The following HAPLN1 variants were observed in gnomAD, a reference collection of about 807,000 sequenced individuals.
HAPLN1 encodes the protein hyaluronan and proteoglycan link protein 1, also known as Cartilage link protein.
In HAPLN1, 13 loss-of-function variants were observed where a neutral mutation model predicts 36.5. The observed-to-expected ratio is 0.36, with a 90% CI of 0.23 to 0.57. The LOEUF (loss-of-function observed/expected upper bound fraction) is 0.57. Among genes scored for constraint, HAPLN1 ranks in the 20% least tolerant of loss-of-function variants. The pLI is 0.83. For missense variants in HAPLN1, 407 were observed against 439.7 expected, an observed-to-expected ratio of 0.93 and a Z score of 0.66; for synonymous variants, 202 against 169.8, an observed-to-expected ratio of 1.19 and a Z score of -1.48.
intron 1 of HAPLN1, among the ~76,000 whole-genome samples, chr5:83,688,642 CT>C (rs539790396): frequency 5.2e-3 from 417 of 80,544 alleles, no homozygotes; most frequent in East Asian, 0.018. Flanking sequence ...GCTTTTGATT[CT>C]TTTTTTTTTT....
chr5:83,703,352 T>G (rs1439213833), intron 1 of HAPLN1: 1 of 152,218 alleles, frequency 6.6e-6, no homozygotes, highest in African/African-American at 2.4e-5. Context: ...TTAATTTTAG[T>G]CATTACATTG....
At chr5:83,666,305 T>C (rs1224845849) in intron 2 of HAPLN1, among the ~76,000 whole-genome samples, 1 of 152,136 alleles carries the variant, frequency 6.6e-6, no homozygotes, top group East Asian at 1.9e-4. Context: ...CATTAAGCTA[T>C]AGTGCTTTAG....
chr5:83,658,101 C>T (rs11957595), intron 2 of HAPLN1, among the ~76,000 whole-genome samples: 9,753 of 151,958 alleles, frequency 0.064, 929 homozygotes, highest in African/African-American at 0.21. Context: ...TTGTCAGCTC[C>T]ATAATGAATT....
At chr5:83,671,517 A>G (rs1164668943) in intron 2 of HAPLN1, among the ~76,000 whole-genome samples, 2 of 152,234 alleles carry the variant, frequency 1.3e-5, no homozygotes, top group African/African-American at 4.8e-5. Flanking sequence ...GCAAGTAAGT[A>G]ATCTGCTTTG....
chr5:83,661,432 C>CTTTT (rs1215228143), intron 2 of HAPLN1, among the ~76,000 whole-genome samples: 5 of 99,608 alleles, frequency 5.0e-5, no homozygotes, highest in African/African-American at 1.6e-4. Context: ...GTGAGAAAAG[C>CTTTT]TTCTTTTTTT....
chr5:83,681,591 C>G (rs1154888), intron 1 of HAPLN1, among the ~76,000 whole-genome samples: 1 of 151,798 alleles, frequency 6.6e-6, no homozygotes, highest in Non-Finnish European at 1.5e-5. Context: ...TCTCACTGCA[C>G]CCTCAACCTC....
intron 2 of HAPLN1, among the ~76,000 whole-genome samples, chr5:83,654,783 G>T (rs1212438835): frequency 6.6e-6 from 1 of 152,158 alleles, no homozygotes; most frequent in Admixed American, 6.5e-5. Flanking sequence ...GTGAACAAGG[G>T]CTCTAATGTG....
chr5:83,707,389 T>C (rs971841973), intron 1 of HAPLN1, among the ~76,000 whole-genome samples: 3 of 152,122 alleles, frequency 2.0e-5, no homozygotes, highest in African/African-American at 7.2e-5. Flanking sequence ...AACAGGCACA[T>C]AGTGCAATGG....
At chr5:83,686,191 A>T (rs1191503472) in intron 1 of HAPLN1, among the ~76,000 whole-genome samples, 1 of 150,404 alleles carries the variant, frequency 6.6e-6, no homozygotes, top group Non-Finnish European at 1.5e-5. Flanking sequence ...AGGTCAAATT[A>T]CCGATCTCAT....
At chr5:83,665,791 C>A (rs750617850) in intron 2 of HAPLN1, among the ~76,000 whole-genome samples, 16 of 152,178 alleles carry the variant, frequency 1.1e-4, no homozygotes, top group South Asian at 2.1e-4. Flanking sequence ...TACTCCACAG[C>A]ACAATCCCTG....
chr5:83,700,181 G>A (rs1296152610), intron 1 of HAPLN1, among the ~76,000 whole-genome samples: 31 of 126,802 alleles, frequency 2.4e-4, no homozygotes, highest in African/African-American at 9.0e-4. Flanking sequence ...GTGACAGAGT[G>A]AGACTCCATC....
chr5:83,680,923 C>T (rs1186063248), intron 1 of HAPLN1, among the ~76,000 whole-genome samples: 1 of 152,130 alleles, frequency 6.6e-6, no homozygotes, highest in Non-Finnish European at 1.5e-5. Context: ...TGCCACTTCT[C>T]AGGCTAACTC....
chr5:83,706,499 A>G (rs569764556), intron 1 of HAPLN1, among the ~76,000 whole-genome samples: 1 of 152,358 alleles, frequency 6.6e-6, no homozygotes, highest in Non-Finnish European at 1.5e-5. Flanking sequence ...ATCTCAATAG[A>G]TGCAGAAAAG....
At chr5:83,708,165 A>G (rs1751693182) in intron 1 of HAPLN1, among the ~76,000 whole-genome samples, 1 of 152,250 alleles carries the variant, frequency 6.6e-6, no homozygotes, top group Non-Finnish European at 1.5e-5. Flanking sequence ...GACTCCTCAG[A>G]GAGCTAAAGC....
intron 2 of HAPLN1, among the ~76,000 whole-genome samples, chr5:83,654,008 GT>G (rs143693490): frequency 0.021 from 3,179 of 152,352 alleles, 45 homozygotes; most frequent in Non-Finnish European, 0.031. Context: ...GCAGATAGGT[GT>G]TGAATAATCC....
rs937887079 is a variant in HAPLN1 at position 83,670,895 on chromosome 5, A to T, written c.100+2529T>A. Among the ~76,000 whole-genome samples the T allele has an allele frequency of 2.6e-5, 4 of 152,038 alleles. 1 individual carries two copies. ...TTTTTAGTAGAGACGGGGTTTCACC[A>T]TGTTGGTCAGGCTGGTCTCAAACCC... On this transcript the variant is annotated intron_variant, in intron 2 of 4. Coordinates refer to ENST00000274341, the MANE Select transcript of HAPLN1 (RefSeq NM_001884.4).
At chr5:83,678,173 AT>A (rs1344301627) in intron 1 of HAPLN1, among the ~76,000 whole-genome samples, 1 of 144,346 alleles carries the variant, frequency 6.9e-6, no homozygotes, top group African/African-American at 2.6e-5. Context: ...GCTTATGTTC[AT>A]TTTTCCTCTC....
At chr5:83,676,114 C>T (rs1750853577) in intron 1 of HAPLN1, among the ~76,000 whole-genome samples, 1 of 151,822 alleles carries the variant, frequency 6.6e-6, no homozygotes, top group East Asian at 1.9e-4. Context: ...CACTCTGGTA[C>T]CATGAACAAA....
intron 1 of HAPLN1, among the ~76,000 whole-genome samples, chr5:83,696,453 G>A (rs1751390388): frequency 1.3e-5 from 2 of 152,018 alleles, no homozygotes; most frequent in Non-Finnish European, 2.9e-5. Context: ...AAATGTTTTA[G>A]AAAAGGAATT....
Sources: gnomAD v4.1 joint callset for allele counts (sites outside exome capture counted in the v4.1 genomes callset) on GRCh38, gnomAD v4.1.1 for gene constraint, MANE v1.5 for transcripts, NCBI Gene and HGNC (gene_info 2026-07-23, HGNC 2026-07-21) for gene names.